Variants in MGAT5 observed in about 807,000 individuals in gnomAD.
MGAT5 encodes alpha-1,6-mannosylglycoprotein 6-beta-N-acetylglucosaminyltransferase.
Under a neutral mutation model 94.3 loss-of-function variants are expected in MGAT5, and 30 were observed. The ratio of observed to expected loss-of-function variants is 0.32; its 90% CI spans 0.24 to 0.43. MGAT5 has a LOEUF of 0.43. MGAT5 is among the 20% of genes least tolerant of loss of function. The probability of loss-of-function intolerance (pLI) is 1.00; values close to 1 mark genes in which losing one functional copy is unlikely to be tolerated. For missense variants in MGAT5, 691 were observed against 905.5 expected, an observed-to-expected ratio of 0.76 and a Z score of 3.04; for synonymous variants, 310 against 322.9, an observed-to-expected ratio of 0.96 and a Z score of 0.43.
At chr2:134,189,602 G>GTTTTTTTTTGTTTTTTTTTTT (rs1689240830) in intron 1 of MGAT5, among the ~76,000 whole-genome samples, 1 of 84,672 alleles carries the variant, frequency 1.2e-5, no homozygotes, top group Non-Finnish European at 2.3e-5. Context: ...GTTTTTTTTT[G>GTTTTTTTTTGTTTTTTTTTTT]TTTTTTTTTT....
intron 1 of MGAT5, among the ~76,000 whole-genome samples, chr2:134,157,406 G>GGT (rs1337112804): frequency 1.3e-5 from 2 of 152,062 alleles, no homozygotes; most frequent in Non-Finnish European, 2.9e-5. Context: ...AGTGCTTGGG[G>GGT]GTTTAGTAAG....
chr2:134,436,601 G>A (rs909997720), intron 14 of MGAT5, among the ~76,000 whole-genome samples: 11 of 152,124 alleles, frequency 7.2e-5, no homozygotes, highest in Admixed American at 6.5e-4. Flanking sequence ...TGGGCCTTGC[G>A]GTGCCATCCT....
chr2:134,143,836 C>T (rs1196518918), intron 1 of MGAT5, among the ~76,000 whole-genome samples: 1 of 152,124 alleles, frequency 6.6e-6, no homozygotes, highest in Non-Finnish European at 1.5e-5. Flanking sequence ...GAAGAGAAGG[C>T]AGACTATGAA....
intron 10 of MGAT5, among the ~76,000 whole-genome samples, chr2:134,395,189 T>C (rs1240145333): frequency 6.6e-6 from 1 of 152,212 alleles, no homozygotes; most frequent in Non-Finnish European, 1.5e-5. Context: ...TGCATTTGCA[T>C]TGAGGAAAAG....
At chr2:134,344,105 G>T (rs1447605029) in intron 7 of MGAT5, among the ~76,000 whole-genome samples, 1 of 152,134 alleles carries the variant, frequency 6.6e-6, no homozygotes, top group African/African-American at 2.4e-5. Flanking sequence ...ATTATCATGG[G>T]GTGTTGCAGA....
intron 1 of MGAT5, among the ~76,000 whole-genome samples, chr2:134,220,179 G>A (rs1479730590): frequency 2.6e-5 from 4 of 152,188 alleles, no homozygotes; most frequent in African/African-American, 7.2e-5. Context: ...CAGTGTAATA[G>A]TGTTGCATAG....
chr2:134,179,254 A>C (rs1688620724), intron 1 of MGAT5, among the ~76,000 whole-genome samples: 1 of 152,194 alleles, frequency 6.6e-6, no homozygotes, highest in Non-Finnish European at 1.5e-5. Context: ...AGTGTTATTA[A>C]GCACAAGAAG....
intron 2 of MGAT5, among the ~76,000 whole-genome samples, chr2:134,277,045 G>A (rs1684423079): frequency 6.6e-6 from 1 of 152,170 alleles, no homozygotes; most frequent in East Asian, 1.9e-4. Flanking sequence ...ATTTGTTTCA[G>A]AATATCGGTT....
Position 134,318,754 on chromosome 2 carries a change from G to A in MGAT5, c.573+15G>A, listed in dbSNP as rs1380690732. 6.3e-7 allele frequency: 1 copy of A among 1,584,418 alleles called. No homozygotes were observed. Among genetic ancestry groups the A allele is most frequent in the Non-Finnish European group, 8.7e-7 (1 of 1,153,380 alleles). The stretch of plus-strand genomic sequence containing the variant: ...ACCTCAGTGAGGTGAGTAGCTTTCT[G>A]TGGCTCCTGGGGGTAGATGTGACTG... On this transcript the variant is annotated intron_variant, in intron 4 of 15. Coordinates refer to ENST00000281923, the MANE Select transcript of MGAT5 (RefSeq NM_002410.5).
intron 13 of MGAT5, among the ~76,000 whole-genome samples, chr2:134,425,106 A>G (rs1019387355): frequency 6.6e-6 from 1 of 152,246 alleles, no homozygotes; most frequent in Non-Finnish European, 1.5e-5. Flanking sequence ...GTAGAAGCAG[A>G]AAAGAAAAAC....
chr2:134,309,605 C>A (rs969388282), intron 2 of MGAT5, among the ~76,000 whole-genome samples: 9 of 152,112 alleles, frequency 5.9e-5, no homozygotes, highest in African/African-American at 1.2e-4. Context: ...AATTATTTAA[C>A]CCCAGCTGTG....
At chr2:134,271,219 C>G (rs1304067694) in intron 2 of MGAT5, among the ~76,000 whole-genome samples, 3 of 114,838 alleles carry the variant, frequency 2.6e-5, no homozygotes, top group Non-Finnish European at 5.1e-5. Flanking sequence ...ACATTAGAAC[C>G]CCCCCATCCC....
chr2:134,129,346 C>T (rs753126498), intron 1 of MGAT5, among the ~76,000 whole-genome samples: 3 of 152,152 alleles, frequency 2.0e-5, no homozygotes, highest in Non-Finnish European at 4.4e-5. Flanking sequence ...TTAGATTAGA[C>T]CAAGCAGGTT....
intron 4 of MGAT5, among the ~76,000 whole-genome samples, chr2:134,333,188 T>A (rs914582701): frequency 6.6e-6 from 1 of 152,082 alleles, no homozygotes; most frequent in Non-Finnish European, 1.5e-5. Context: ...CCAACCCAAA[T>A]GTCCAACAAT....
chr2:134,410,062 G>A (rs1683557707), intron 11 of MGAT5, among the ~76,000 whole-genome samples: 1 of 152,238 alleles, frequency 6.6e-6, no homozygotes, highest in South Asian at 2.1e-4. Flanking sequence ...TTCTCCAGCA[G>A]AGTTAAGCCT....
intron 1 of MGAT5, among the ~76,000 whole-genome samples, chr2:134,169,069 T>C (rs529390319): frequency 5.3e-5 from 8 of 152,244 alleles, no homozygotes. Context: ...CCTGCACCTG[T>C]ATTGGCTTGT....
chr2:134,344,688 C>A (rs72978193), intron 7 of MGAT5, among the ~76,000 whole-genome samples: 4,778 of 152,068 alleles, frequency 0.031, 176 homozygotes, highest in East Asian at 0.17. Context: ...CCATATCTTC[C>A]TTGATTTCAA....
chr2:134,183,350 A>G (rs1480203399), intron 1 of MGAT5, among the ~76,000 whole-genome samples: 2 of 152,234 alleles, frequency 1.3e-5, no homozygotes, highest in African/African-American at 4.8e-5. Context: ...AAGATAATAT[A>G]GAAATTAGAT....
intron 8 of MGAT5, among the ~76,000 whole-genome samples, chr2:134,349,049 G>A (rs945710558): frequency 6.6e-6 from 1 of 152,038 alleles, no homozygotes; most frequent in Non-Finnish European, 1.5e-5. Flanking sequence ...TTTTATTTTC[G>A]AACATGAAAA....
Sources: allele counts gnomAD v4.1 joint callset (sites outside exome capture counted in the v4.1 genomes callset), GRCh38; gene constraint gnomAD v4.1.1; transcripts MANE v1.5; gene names NCBI Gene and HGNC (gene_info 2026-07-23, HGNC 2026-07-21).